Variants in ZNF608 observed in about 807,000 individuals in gnomAD.
ZNF608 encodes the protein zinc finger protein 608.
In ZNF608, 12 loss-of-function variants were observed where a neutral mutation model predicts 109.0. That is an observed-to-expected ratio of 0.11 (90% CI 0.07 to 0.18). The LOEUF is 0.18. ZNF608 is among the 10% of genes least tolerant of loss of function. ZNF608 has a pLI of 1.00. For synonymous variants in ZNF608, 732 were observed against 717.4 expected, an observed-to-expected ratio of 1.02 and a Z score of -0.33; for missense variants, 1,707 against 1,879.3, an observed-to-expected ratio of 0.91 and a Z score of 1.70.
chr5:124,660,333 C>T (rs756971124), intron 3 of ZNF608, among the ~76,000 whole-genome samples: 7 of 152,152 alleles, frequency 4.6e-5, no homozygotes, highest in African/African-American at 7.2e-5. Context: ...CTCAGTTTCA[C>T]CTTTGGCGGC....
chr5:124,721,232 C>G (rs1422765376), intron 2 of ZNF608, among the ~76,000 whole-genome samples: 2 of 152,102 alleles, frequency 1.3e-5, no homozygotes, highest in East Asian at 1.9e-4. Context: ...TAATTCCCAT[C>G]AATGTTTTTG....
intron 3 of ZNF608, among the ~76,000 whole-genome samples, chr5:124,694,849 C>T (rs187569817): frequency 7.9e-4 from 120 of 152,002 alleles, no homozygotes; most frequent in Middle Eastern, 6.8e-3. Context: ...CGACAGTTTG[C>T]TCAGAATGAC....
chr5:124,703,378 A>T (rs2149853833), intron 2 of ZNF608, among the ~76,000 whole-genome samples: 1 of 152,288 alleles, frequency 6.6e-6, no homozygotes, highest in East Asian at 1.9e-4. Context: ...GGCAAGACAT[A>T]CTAACACTAG....
At chr5:124,694,142 A>ATTTTTTTTTTTTTTTTTTT (rs11320730) in intron 3 of ZNF608, among the ~76,000 whole-genome samples, 6 of 63,932 alleles carry the variant, frequency 9.4e-5, no homozygotes, top group Non-Finnish European at 1.1e-4. Flanking sequence ...CGCTCGGCTA[A>ATTTTTTTTTTTTTTTTTTT]TTTTTTTTTT....
At chr5:124,688,293 C>A (rs1043202412) in intron 3 of ZNF608, among the ~76,000 whole-genome samples, 1 of 152,124 alleles carries the variant, frequency 6.6e-6, no homozygotes, top group Non-Finnish European at 1.5e-5. Context: ...TCCATTGAGG[C>A]AGAGCCCAGC....
intron 2 of ZNF608, among the ~76,000 whole-genome samples, chr5:124,717,809 TC>T (rs1394813414): frequency 6.6e-6 from 1 of 152,196 alleles, no homozygotes; most frequent in Non-Finnish European, 1.5e-5. Context: ...CAACCTGGTT[TC>T]ATCTCTGCAG....
In ZNF608 at chr5:124,745,043, AG is replaced by A; in HGVS notation, c.-55del. 1 of 1,536,526 alleles carries A rather than the reference AG, an allele frequency of 6.5e-7. No homozygotes were observed. Among genetic ancestry groups the A allele is most frequent in the African/African-American group, 1.4e-5 (1 of 72,396 alleles). ...TCCGATGAACTTTTCTTTGGAGATG[AG>A]GGGACATTCGTTTATCTCCGCTGGG... On this transcript the variant is annotated 5_prime_UTR_variant, in exon 2 of 10. The change creates a premature stop within an existing upstream ORF in the 5' untranslated region. Coordinates refer to ENST00000513986, the MANE Select transcript of ZNF608 (RefSeq NM_020747.3).
chr5:124,676,373 C>G (rs1751946070), intron 3 of ZNF608, among the ~76,000 whole-genome samples: 1 of 152,186 alleles, frequency 6.6e-6, no homozygotes, highest in Admixed American at 6.5e-5. Flanking sequence ...ACTCTTCAAG[C>G]TGTAGTTTTA....
chr5:124,714,141 AC>A (rs1753604581), intron 2 of ZNF608, among the ~76,000 whole-genome samples: 1 of 152,190 alleles, frequency 6.6e-6, no homozygotes. Flanking sequence ...TTTAAAAAAA[AC>A]AACATTGTCA....
intron 3 of ZNF608, among the ~76,000 whole-genome samples, chr5:124,695,888 A>C (rs1329723551): frequency 6.6e-6 from 1 of 151,960 alleles, no homozygotes; most frequent in African/African-American, 2.4e-5. Flanking sequence ...GGTGATTTAA[A>C]AGAGAATCAT....
At position 124,746,357 on chromosome 5, in the gene ZNF608, A is replaced by G; in HGVS notation, c.-346T>C. 4 of 985,362 alleles carry G rather than the reference A, an allele frequency of 4.1e-6. No homozygotes were observed. Among genetic ancestry groups the G allele is most frequent in the Non-Finnish European group, 4.8e-6 (4 of 829,934 alleles). 61.0% of individuals were successfully genotyped at this position (985,362 alleles called of 1,614,324 possible). Reference sequence around the variant, plus strand: ...GCCAGAATAATCACTCGATAACATTATTCCACCTCCCCACCCCCCTTTTGG... The same window carrying G: ...GCCAGAATAATCACTCGATAACATTGTTCCACCTCCCCACCCCCCTTTTGG... On this transcript the variant is annotated 5_prime_UTR_variant, in exon 1 of 10. Coordinates refer to ENST00000513986, the MANE Select transcript of ZNF608 (RefSeq NM_020747.3).
At chr5:124,675,792 C>T (rs568202110) in intron 3 of ZNF608, among the ~76,000 whole-genome samples, 1 of 152,308 alleles carries the variant, frequency 6.6e-6, no homozygotes, top group African/African-American at 2.4e-5. Context: ...GCTTGGAATA[C>T]AGTAGCGGAC....
intron 3 of ZNF608, among the ~76,000 whole-genome samples, chr5:124,655,818 C>A (rs1013246096): frequency 6.6e-6 from 1 of 152,230 alleles, no homozygotes; most frequent in Non-Finnish European, 1.5e-5. Flanking sequence ...TCTTGTATAG[C>A]ACAAGCTTCG....
intron 3 of ZNF608, among the ~76,000 whole-genome samples, chr5:124,669,218 C>A (rs757909427): frequency 3.3e-5 from 5 of 152,134 alleles, no homozygotes; most frequent in South Asian, 4.1e-4. Flanking sequence ...GACTCAGCAT[C>A]CCCCACCGAA....
intron 3 of ZNF608, among the ~76,000 whole-genome samples, chr5:124,690,202 C>A (rs145428219): frequency 4.6e-5 from 7 of 152,280 alleles, no homozygotes; most frequent in Non-Finnish European, 8.8e-5. Context: ...ATAAAAAGAT[C>A]AGTAGTTGCT....
rs1432277582 is a variant in ZNF608, at chr5:124,744,087, C to T, written c.903G>A (p.Glu301=). 2.5e-6 allele frequency: 4 copies of T among 1,583,650 alleles called. No individual in the cohort carries two copies. In the South Asian group the frequency reaches 4.7e-5, roughly 18 times the overall value. The part of the protein sequence containing the change: ...SHRRIKKLKT[E]KVDPLFTVPA... ...TAGGAAGGCGACTTTATCCTACCTT[C>T]TCAGTTTTCAGTTTCTTGATTCGCC... Residue 301 remains glutamate (E), a synonymous_variant, in exon 2 of 10, where the codon GAG becomes GAA. Transcript: ENST00000513986. The surrounding 1 kb of genome is among the most constrained non-coding windows in gnomAD (Gnocchi z 4.5).
At chr5:124,712,802 C>A (rs2149868721) in intron 2 of ZNF608, among the ~76,000 whole-genome samples, 1 of 152,302 alleles carries the variant, frequency 6.6e-6, no homozygotes, top group Middle Eastern at 3.4e-3. Flanking sequence ...GGCAGCCTCA[C>A]AGTGTTGCCC....
chr5:124,667,211 A>C (rs1197694226), intron 3 of ZNF608, among the ~76,000 whole-genome samples: 2 of 152,200 alleles, frequency 1.3e-5, no homozygotes, highest in African/African-American at 4.8e-5. Flanking sequence ...TAAAGAAATA[A>C]AGTTATTGGT....
intron 2 of ZNF608, among the ~76,000 whole-genome samples, chr5:124,715,655 C>T (rs1339710695): frequency 6.6e-6 from 1 of 152,122 alleles, no homozygotes; most frequent in African/African-American, 2.4e-5. Flanking sequence ...TCATAAAGCT[C>T]ATAGATACAT....
Sources: gnomAD v4.1 joint callset for allele counts (sites outside exome capture counted in the v4.1 genomes callset) on GRCh38, gnomAD v4.1.1 for gene constraint, Gnocchi (gnomAD v3.1) non-coding constraint, MANE v1.5 for transcripts, NCBI Gene and HGNC (gene_info 2026-07-23, HGNC 2026-07-21) for gene names.